Variants in EPHA5 observed in about 807,000 individuals in gnomAD.
EPHA5 encodes ephrin type-A receptor 5.
In EPHA5, 60 loss-of-function variants were observed where a neutral mutation model predicts 105.0. The observed-to-expected ratio is 0.57, with a 90% CI of 0.46 to 0.71. EPHA5 has a LOEUF of 0.71. Among genes scored for constraint, EPHA5 ranks in the 30% least tolerant of loss-of-function variants. The pLI is 0.00. For synonymous variants in EPHA5, 513 were observed against 449.1 expected (o/e 1.14, Z -1.80); for missense variants, 1,218 against 1,274.7 (o/e 0.96, Z 0.68).
intron 2 of EPHA5, among the ~76,000 whole-genome samples, chr4:65,632,506 C>T (rs559634080): frequency 2.5e-4 from 37 of 145,462 alleles, no homozygotes; most frequent in African/African-American, 9.3e-4. Context: ...CCAAAGGTTG[C>T]TATCTTTGTT....
chr4:65,519,314 A>T (rs138274357), intron 3 of EPHA5, among the ~76,000 whole-genome samples: 2,310 of 152,322 alleles, frequency 0.015, 28 homozygotes, highest in Middle Eastern at 0.031. Flanking sequence ...AAGGCCTTTG[A>T]CAAAATTCAG....
intron 15 of EPHA5, among the ~76,000 whole-genome samples, chr4:65,333,904 T>C (rs111255835): frequency 4.0e-5 from 6 of 151,880 alleles, no homozygotes; most frequent in South Asian, 2.1e-4. Context: ...TATAGTATGA[T>C]GCAACAGTCC....
chr4:65,572,014 T>C (rs1025152421), intron 3 of EPHA5, among the ~76,000 whole-genome samples: 1 of 152,068 alleles, frequency 6.6e-6, no homozygotes, highest in Non-Finnish European at 1.5e-5. Context: ...TATTTTTAAA[T>C]AATTTTTGAA....
chr4:65,533,832 G>A (rs897824237), intron 3 of EPHA5, among the ~76,000 whole-genome samples: 2 of 152,062 alleles, frequency 1.3e-5, no homozygotes, highest in Non-Finnish European at 2.9e-5. Context: ...TACTGAGGAG[G>A]CTGAGGCAGG....
intron 1 of EPHA5, among the ~76,000 whole-genome samples, chr4:65,646,527 G>A (rs1170054362): frequency 6.6e-6 from 1 of 152,142 alleles, no homozygotes; most frequent in Non-Finnish European, 1.5e-5. Context: ...GGTATGTGGT[G>A]AAACATCCTA....
At chr4:65,568,608 G>A (rs1043041009) in intron 3 of EPHA5, among the ~76,000 whole-genome samples, 6 of 150,818 alleles carry the variant, frequency 4.0e-5, no homozygotes, top group Non-Finnish European at 5.9e-5. Context: ...AAGGATAAAT[G>A]AGCAAATGTT....
At chr4:65,650,420 C>T (rs1181900617) in intron 1 of EPHA5, among the ~76,000 whole-genome samples, 2 of 150,930 alleles carry the variant, frequency 1.3e-5, no homozygotes, top group Non-Finnish European at 2.9e-5. Context: ...TTAACCAGGG[C>T]TTGGTGGCGG....
intron 2 of EPHA5, among the ~76,000 whole-genome samples, chr4:65,613,622 G>A (rs1265671786): frequency 6.6e-6 from 1 of 151,822 alleles, no homozygotes; most frequent in Non-Finnish European, 1.5e-5. Flanking sequence ...GAATTCCAGT[G>A]CTTCTCTATT....
chr4:65,560,702 G>A (rs1322664217), intron 3 of EPHA5, among the ~76,000 whole-genome samples: 1 of 151,892 alleles, frequency 6.6e-6, no homozygotes, highest in Non-Finnish European at 1.5e-5. Context: ...AAATGACAAA[G>A]GTAATACAAA....
chr4:65,511,105 CCTT>C (rs1301969759), intron 3 of EPHA5, among the ~76,000 whole-genome samples: 1 of 152,084 alleles, frequency 6.6e-6, no homozygotes, highest in African/African-American at 2.4e-5. Context: ...ATGACTGGCA[CCTT>C]GGTCTTGGAC....
intron 3 of EPHA5, among the ~76,000 whole-genome samples, chr4:65,591,919 CAT>C (rs1742703156): frequency 6.6e-6 from 1 of 152,016 alleles, no homozygotes; most frequent in African/African-American, 2.4e-5. Flanking sequence ...CTTTTAAAAA[CAT>C]AAAAATTCTT....
At chr4:65,502,987 A>C (rs553146925) in intron 3 of EPHA5, among the ~76,000 whole-genome samples, 1 of 151,994 alleles carries the variant, frequency 6.6e-6, no homozygotes, top group Admixed American at 6.6e-5. Context: ...ACTGGAAGCT[A>C]TTATCCTAAG....
chr4:65,492,890 A>G (rs1332085041), intron 4 of EPHA5, among the ~76,000 whole-genome samples: 1 of 152,150 alleles, frequency 6.6e-6, no homozygotes, highest in African/African-American at 2.4e-5. Flanking sequence ...TAATAGTACA[A>G]AGTTATAGAC....
chr4:65,341,157 G>T (rs1179904159), intron 14 of EPHA5, among the ~76,000 whole-genome samples: 1 of 151,934 alleles, frequency 6.6e-6, no homozygotes, highest in African/African-American at 2.4e-5. Flanking sequence ...ATTAGCCTAT[G>T]GATTATGTCA....
chr4:65,521,010 C>A (rs933216282), intron 3 of EPHA5, among the ~76,000 whole-genome samples: 4 of 152,112 alleles, frequency 2.6e-5, no homozygotes, highest in African/African-American at 9.7e-5. Flanking sequence ...TTTGACCCAG[C>A]CATCTCATTA....
chr4:65,528,505 G>T lies in EPHA5; in HGVS notation c.911-32962C>A, dbSNP rs116487181. Among the ~76,000 whole-genome samples, 306 of 152,020 alleles carry T rather than the reference G, an allele frequency of 2.0e-3. 2 individuals carry two copies. The highest frequency in any genetic ancestry group is 6.9e-3 in the African/African-American group (284 of 41,448). Reference sequence around the variant, plus strand: ...TTTTCCCTGTTGCTTAAAAAAATCCGTAGAGAATTCAATGTGTACAGGCAC... The same window carrying T: ...TTTTCCCTGTTGCTTAAAAAAATCCTTAGAGAATTCAATGTGTACAGGCAC... On this transcript the variant is annotated intron_variant, in intron 3 of 16. Coordinates refer to ENST00000613740, the MANE Select transcript of EPHA5 (RefSeq NM_001281766.3).
At chr4:65,373,242 T>G in intron 8 of EPHA5, among the ~76,000 whole-genome samples, 1 of 151,852 alleles carries the variant, frequency 6.6e-6, no homozygotes, top group Admixed American at 6.6e-5. Context: ...TATATTTTGC[T>G]TAGCAAGCCT....
At chr4:65,495,350 T>G (rs767792184) in intron 4 of EPHA5, 38 bp downstream of exon 4, 1 of 1,593,950 alleles carries the variant, frequency 6.3e-7, no homozygotes, top group East Asian at 2.2e-5. Context: ...CAAAACTGGT[T>G]AAAGTTAGCA....
chr4:65,649,755 C>G (rs4276332), intron 1 of EPHA5, among the ~76,000 whole-genome samples: 33,322 of 152,004 alleles, frequency 0.22, 3,914 homozygotes, highest in Non-Finnish European at 0.25. Context: ...GTGATAATTG[C>G]GTAGCTCTGA....
Sources: allele counts gnomAD v4.1 joint callset (sites outside exome capture counted in the v4.1 genomes callset), GRCh38; gene constraint gnomAD v4.1.1; transcripts MANE v1.5; gene names NCBI Gene and HGNC (gene_info 2026-07-23, HGNC 2026-07-21).